PRRC2A: variants seen among roughly 807,000 people sequenced by gnomAD.
PRRC2A encodes protein PRRC2A.
A neutral mutation model predicts 224.6 loss-of-function variants in PRRC2A; 59 were observed. The ratio of observed to expected loss-of-function variants is 0.26; its 90% CI spans 0.21 to 0.33. PRRC2A has a LOEUF of 0.33. Among genes scored for constraint, PRRC2A ranks in the 10% least tolerant of loss-of-function variants. The pLI is 1.00. For missense variants in PRRC2A, 3,095 were observed against 2,880.7 expected (o/e 1.07, Z -1.70); for synonymous variants, 1,194 against 1,109.5 (o/e 1.08, Z -1.51).
rs1483357773 is a variant in PRRC2A at position 31,625,163 on chromosome 6, C to T, written c.464-8C>T. The T allele has an allele frequency of 1.2e-6, 2 of 1,609,520 alleles. No homozygotes were observed. The highest frequency in any genetic ancestry group is 3.3e-5 in the Admixed American group (2 of 59,890). On this transcript the variant is annotated splice_polypyrimidine_tract_variant and splice_region_variant and intron_variant, in intron 5 of 30. Coordinates refer to ENST00000376033, the MANE Select transcript of PRRC2A (RefSeq NM_004638.4). This position sits in a 1 kb window ranked among gnomAD's most constrained non-coding sequence, Gnocchi z 4.1. ...TCTGTCTCCTGTTCTGCATCCCCATCCTAATAGGTGGAAGGGCATCAAGCC... is the reference window on the plus strand; with the variant it reads ...TCTGTCTCCTGTTCTGCATCCCCATTCTAATAGGTGGAAGGGCATCAAGCC...
At chr6:31,629,525 T>C in intron 13 of PRRC2A, 23 bp from the exon 14 acceptor site, 2 of 1,487,020 alleles carry the variant, frequency 1.3e-6, no homozygotes. Context: ...GCCTCTCTCA[T>C]CTTGTCTTTC....
In PRRC2A at chr6:31,634,924, G is replaced by A. The variant is rs560957172; in HGVS notation, c.5107G>A (p.Gly1703Ser). ...TGCTGTTCCTTGTGAGGGTCCACCT[G>A]GCTCTGAACCTCCTAGGAGACCACC... The part of the protein sequence containing the change: ...LNAVPCEGPP[G>S]SEPPRRPPPA... Residue 1703 changes from glycine (G) to serine (S), a missense_variant, in exon 21 of 31, where the codon GGC becomes AGC. By Grantham distance (56) the Gly-to-Ser change is moderately conservative. Around this residue, in one of 8 missense-constraint regions of PRRC2A, gnomAD observed 662 missense variants for 609.5 expected, o/e 1.09. Coordinates refer to ENST00000376033, the MANE Select transcript of PRRC2A (RefSeq NM_004638.4). 1 of 1,612,938 alleles carries A rather than the reference G, an allele frequency of 6.2e-7. No individual in the cohort carries two copies.
Position 31,629,806 on chromosome 6 carries a change from C to G in PRRC2A, c.2215C>G (p.Pro739Ala). ...YVDPRLLQGR[P>A]PLDFYPPGVH... is the part of the protein sequence containing the mutation. ...GGACCCCCGGCTCCTCCAGGGTCGT[C>G]CCCCTCTAGACTTCTACCCTCCTGG... is the stretch of plus-strand genomic sequence containing the variant. The change falls in exon 14 of 31, where the codon CCC becomes GCC. Residue 739 changes from proline to alanine, a missense_variant. This residue lies in a region of PRRC2A where 2,001 missense variants were observed against 1,764.9 expected (regional missense o/e 1.13). Coordinates refer to ENST00000376033, the MANE Select transcript of PRRC2A (RefSeq NM_004638.4). 6.2e-7 allele frequency: 1 copy of G among 1,613,790 alleles called. No homozygotes were observed. The highest frequency in any genetic ancestry group is 8.5e-7 in the Non-Finnish European group (1 of 1,179,738).
chr6:31,637,295 C>T lies in PRRC2A; in HGVS notation c.6304C>T (p.Arg2102Cys), dbSNP rs766425356. ...ATPSTYSGVF[R>C]TQRVDLYQQA... Reference sequence around the variant, plus strand: ...GCCTTCCACCTACAGTGGAGTCTTCCGCACCCAGCGCGTCGACCTTTACCA... The same window carrying T: ...GCCTTCCACCTACAGTGGAGTCTTCTGCACCCAGCGCGTCGACCTTTACCA... Residue 2102 changes from arginine to cysteine, a missense_variant, in exon 30 of 31, where the codon CGC (arginine) becomes TGC (cysteine). By Grantham distance (180) the Arg-to-Cys change is radical. Transcript: ENST00000376033. 7.4e-6 allele frequency: 12 copies of T among 1,612,326 alleles called. No individual in the cohort carries two copies. The highest frequency in any genetic ancestry group is 1.3e-5 in the African/African-American group (1 of 74,934).
chr6:31,631,145 G>C lies in PRRC2A; in HGVS notation c.2472G>C (p.Glu824Asp), dbSNP rs138043780. 1 of 1,509,762 alleles carries C rather than the reference G, an allele frequency of 6.6e-7. No homozygotes were observed. The highest frequency in any genetic ancestry group is 1.4e-5 in the African/African-American group (1 of 71,346). 93.5% of individuals were successfully genotyped at this position (1,509,762 alleles called of 1,614,324 possible). A position where few individuals can be genotyped will look rare whatever the true frequency, so the allele number is the denominator to read the frequency against. ...ADEDDKGMRS[E>D]TPPVPPPPPY... ...TTTCTGTCTGTCTCTTCAGGAGCGA[G>C]ACTCCTCCAGTACCTCCCCCACCAC... Residue 824 changes from glutamate to aspartate, a missense_variant, in exon 16 of 31, where the codon GAG becomes GAC. By Grantham distance (45) the Glu-to-Asp change is conservative (BLOSUM62 2). Transcript: ENST00000376033. The surrounding 1 kb of genome is among the most constrained non-coding windows in gnomAD (Gnocchi z 4.5).
At chr6:31,634,418 G>C in intron 19 of PRRC2A, 53 bp downstream of exon 19, 1 of 1,612,122 alleles carries the variant, frequency 6.2e-7, no homozygotes, top group Non-Finnish European at 8.5e-7. Flanking sequence ...AATGAGAGGG[G>C]CTTCTGAACT....
Position 31,627,234 on chromosome 6 carries a change from T to C in PRRC2A, c.1290+36T>C. ...CCAATAAGGGATTGAGAGGGTCAGC[T>C]GTGGGAAATTGGTGTCAGCTGAGTA... On this transcript the variant is annotated intron_variant, in intron 11 of 30. Coordinates refer to ENST00000376033, the MANE Select transcript of PRRC2A (RefSeq NM_004638.4). The surrounding 1 kb of genome is among the most constrained non-coding windows in gnomAD (Gnocchi z 5.6). The C allele has an allele frequency of 7.0e-7, 1 of 1,429,520 alleles. No individual in the cohort carries two copies. Among genetic ancestry groups the C allele is most frequent in the Non-Finnish European group, 9.7e-7 (1 of 1,028,824 alleles). 88.6% of individuals were successfully genotyped at this position (1,429,520 alleles called of 1,614,324 possible). A position where few individuals can be genotyped will look rare whatever the true frequency, so the allele number is the denominator to read the frequency against.
At position 31,625,333 on chromosome 6, in the gene PRRC2A, G is replaced by A; in HGVS notation, c.607+19G>A. The A allele has an allele frequency of 6.2e-7, 1 of 1,614,020 alleles. No individual in the cohort carries two copies. Among genetic ancestry groups the A allele is most frequent in the Non-Finnish European group, 8.5e-7 (1 of 1,180,030 alleles). ...CCCCAAAGTGAGTGGCTGCCTTTTG[G>A]CCAAGACATTACCTATTGCATCTCA... On this transcript the variant is annotated intron_variant, in intron 6 of 30. Transcript: ENST00000376033. The surrounding 1 kb of genome is among the most constrained non-coding windows in gnomAD (Gnocchi z 4.1).
intron 9 of PRRC2A, 45 bp from the exon 10 acceptor site, chr6:31,626,727 G>A (rs1347297057): frequency 1.3e-6 from 2 of 1,506,810 alleles, no homozygotes; most frequent in African/African-American, 1.4e-5. Flanking sequence ...TCCCAAGATT[G>A]GAGGGCAGAA....
rs760207508 is a variant in PRRC2A, at chr6:31,629,560, AAGC to A, written c.1983_1985del (p.Gln661del). The A allele has an allele frequency of 3.3e-5, 51 of 1,552,656 alleles. No homozygotes were observed. Among genetic ancestry groups the A allele is most frequent in the East Asian group, 9.0e-5 (4 of 44,576 alleles). ...CCTCCTTTCCTAGGAGCAGCTCCTG[AAGC>A]AGCAGCAGCAGCACCAGTGGCAGCA... On this transcript the variant is annotated inframe_deletion, in exon 14 of 31. Transcript: ENST00000376033.
Position 31,630,603 on chromosome 6 carries a change from G to C in PRRC2A, c.2267G>C (p.Arg756Pro), listed in dbSNP as rs763007534. The C allele has an allele frequency of 1.2e-6, 2 of 1,614,078 alleles. No individual in the cohort carries two copies. The highest frequency in any genetic ancestry group is 1.7e-6 in the Non-Finnish European group (2 of 1,180,010). Reference sequence around the variant, plus strand: ...TTGGTTTCTTCAGGCCTAGTTCCCCGAGAGCGTTCAGACAGTGGGGGCTCA... The same window carrying C: ...TTGGTTTCTTCAGGCCTAGTTCCCCCAGAGCGTTCAGACAGTGGGGGCTCA... The part of the protein sequence containing the change: ...PGVHPSGLVP[R>P]ERSDSGGSSS... Residue 756 changes from arginine (R) to proline (P), a missense_variant, in exon 15 of 31, where the codon CGA (arginine) becomes CCA (proline). Transcript: ENST00000376033.
In PRRC2A at chr6:31,632,956, G is replaced by T. The variant is rs1227074007; in HGVS notation, c.4283G>T (p.Gly1428Val). ...GPGGRTGPGR[G>V]DKRSWPSPKN... ...GGAGGAAGGACCGGGCCAGGACGAG[G>T]CGACAAGAGGAGCTGGCCCTCTCCC... Residue 1428 changes from glycine to valine, a missense_variant, in exon 16 of 31, where the codon GGC becomes GTC. Around this residue, in one of 8 missense-constraint regions of PRRC2A, gnomAD observed 2,001 missense variants for 1,764.9 expected, o/e 1.13. Transcript: ENST00000376033. 1 of 1,602,678 alleles carries T rather than the reference G, an allele frequency of 6.2e-7. No individual in the cohort carries two copies. Among genetic ancestry groups the T allele is most frequent in the Non-Finnish European group, 8.5e-7 (1 of 1,173,462 alleles).
Position 31,635,575 on chromosome 6 carries a change from T to C in PRRC2A, c.5374-7T>C, listed in dbSNP as rs1467287790. The C allele has an allele frequency of 2.5e-6, 4 of 1,610,472 alleles. No individual in the cohort carries two copies. In the South Asian group the frequency reaches 4.4e-5, roughly 18 times the overall value. On this transcript the variant is annotated splice_region_variant and splice_polypyrimidine_tract_variant and intron_variant, in intron 23 of 30. Coordinates refer to ENST00000376033, the MANE Select transcript of PRRC2A (RefSeq NM_004638.4). Reference sequence around the variant, plus strand: ...ACATCCCTCTCCACGAGGCCTCTCCTTCCCAGGCCATTCCTGTATCACGAG... The same window carrying C: ...ACATCCCTCTCCACGAGGCCTCTCCCTCCCAGGCCATTCCTGTATCACGAG...
chr6:31,636,243 C>T lies in PRRC2A; in HGVS notation c.5659C>T (p.Pro1887Ser), dbSNP rs773557375. 4 of 1,612,956 alleles carry T rather than the reference C, an allele frequency of 2.5e-6. No homozygotes were observed. In the South Asian group the frequency reaches 4.4e-5, roughly 18 times the overall value. Residue 1887 changes from proline (P) to serine (S), a missense_variant, in exon 26 of 31, where the codon CCT becomes TCT. By Grantham distance (74) the Pro-to-Ser change is moderately conservative (BLOSUM62 -1). This residue lies in a region of PRRC2A where 662 missense variants were observed against 609.5 expected (regional missense o/e 1.09). Transcript: ENST00000376033. The surrounding 1 kb of genome is among the most constrained non-coding windows in gnomAD (Gnocchi z 4.3). ...QPLYLPPGPA[P>S]PSALLSGLAL... Reference sequence around the variant, plus strand: ...CCTATACCTACCCCCCGGCCCAGCCCCTCCCTCAGCACTGCTCTCTGGGTT... The same window carrying T: ...CCTATACCTACCCCCCGGCCCAGCCTCTCCCTCAGCACTGCTCTCTGGGTT...
chr6:31,634,132 C>T (rs1706657929), intron 18 of PRRC2A, 104 bp from the exon 19 acceptor site: 2 of 1,563,254 alleles, frequency 1.3e-6, no homozygotes, highest in South Asian at 2.4e-5. Context: ...CATGTGTCTC[C>T]CTTGTTGTCC....
At position 31,631,978 on chromosome 6, in the gene PRRC2A, G is replaced by A. The variant is rs750488741; in HGVS notation, c.3305G>A (p.Arg1102Gln). The A allele has an allele frequency of 4.3e-6, 7 of 1,612,484 alleles. No homozygotes were observed. Among genetic ancestry groups the A allele is most frequent in the East Asian group, 2.2e-5 (1 of 44,856 alleles). Residue 1102 changes from arginine (R) to glutamine (Q), a missense_variant, in exon 16 of 31, where the codon CGG (arginine) becomes CAG (glutamine). Around this residue, in one of 8 missense-constraint regions of PRRC2A, gnomAD observed 2,001 missense variants for 1,764.9 expected, o/e 1.13. Coordinates refer to ENST00000376033, the MANE Select transcript of PRRC2A (RefSeq NM_004638.4). The surrounding 1 kb of genome is among the most constrained non-coding windows in gnomAD (Gnocchi z 4.5). ...TATGAGGAAATCCCCAAGCGGCGCC[G>A]GCAGCGGGGCTCAGAAACAGGCAGC... Reference protein sequence around the residue: ...SEYEEIPKRRRQRGSETGSET... With the variant: ...SEYEEIPKRRQQRGSETGSET...
At chr6:31,629,452 C>CA in intron 13 of PRRC2A, 96 bp from the exon 14 acceptor site, 1 of 1,442,398 alleles carries the variant, frequency 6.9e-7, no homozygotes, top group Admixed American at 1.8e-5. Flanking sequence ...TCTCCATTGT[C>CA]ACGCCAATTT....
In PRRC2A at chr6:31,631,250, A is replaced by G; in HGVS notation, c.2577A>G (p.Pro859=). The G allele has an allele frequency of 6.2e-7, 1 of 1,612,246 alleles. No individual in the cohort carries two copies. The highest frequency in any genetic ancestry group is 8.5e-7 in the Non-Finnish European group (1 of 1,179,760). The change falls in exon 16 of 31, where the codon CCA becomes CCG. Residue 859 remains proline (P), a synonymous_variant. Transcript: ENST00000376033. The surrounding 1 kb of genome is among the most constrained non-coding windows in gnomAD (Gnocchi z 4.5). ...PPISRFPLEE[P]GPRPLPWPPG... ...TCTCTCGCTTTCCTCTGGAGGAACCAGGGCCCCGTCCACTCCCCTGGCCCC... is the reference window on the plus strand; with the variant it reads ...TCTCTCGCTTTCCTCTGGAGGAACCGGGGCCCCGTCCACTCCCCTGGCCCC...
In PRRC2A at chr6:31,634,970, A is replaced by G; in HGVS notation, c.5153A>G (p.Asp1718Gly). 6.2e-7 allele frequency: 1 copy of G among 1,612,180 alleles called. No homozygotes were observed. The highest frequency in any genetic ancestry group is 8.5e-7 in the Non-Finnish European group (1 of 1,179,524). Reference sequence around the variant, plus strand: ...CCACCACCTGCCCCCCACGATGGGGACAGAAAGGTAAAAGACCAAAAAAGG... The same window carrying G: ...CCACCACCTGCCCCCCACGATGGGGGCAGAAAGGTAAAAGACCAAAAAAGG... ...RRPPPAPHDG[D>G]RKELPREQPL... Residue 1718 changes from aspartate to glycine, a missense_variant, in exon 21 of 31, where the codon GAC becomes GGC. By Grantham distance (94) the Asp-to-Gly change is moderately conservative. Transcript: ENST00000376033.
Sources: gnomAD v4.1 joint callset for allele counts on GRCh38, gnomAD v4.1.1 for gene constraint, gnomAD v4.1.1 regional missense constraint, Gnocchi (gnomAD v3.1) non-coding constraint, MANE v1.5 for transcripts, NCBI Gene and HGNC (gene_info 2026-07-23, HGNC 2026-07-21) for gene names.